Variants in CEP290 observed in about 807,000 individuals in gnomAD.
The protein encoded by CEP290 is centrosomal protein 290.
In CEP290, 317 loss-of-function variants were observed where a neutral mutation model predicts 344.9. The ratio of observed to expected loss-of-function variants is 0.92; its 90% confidence interval spans 0.84 to 1.01. CEP290 has a LOEUF of 1.01. Among genes scored for constraint, CEP290 ranks in the 50% least tolerant of loss-of-function variants. CEP290 has a pLI of 0.00. For missense variants in CEP290, 2,754 were observed against 2,761.4 expected (o/e 1.00, Z 0.06); for synonymous variants, 932 against 895.8 (o/e 1.04, Z -0.72).
Position 88,140,955 on chromosome 12 carries a change from C to A in CEP290, c.180+1G>T. 3.8e-6 allele frequency: 6 copies of A among 1,578,620 alleles called. No homozygotes were observed. Among genetic ancestry groups the A allele is most frequent in the Non-Finnish European group, 4.3e-6 (5 of 1,165,768 alleles). On this transcript the variant is annotated splice_donor_variant, in intron 3 of 53. Coordinates refer to ENST00000552810, the MANE Select transcript of CEP290 (RefSeq NM_025114.4). LOFTEE classifies it high-confidence loss of function. Reference sequence around the variant, plus strand: ...ATAGTTAAAACCTACTACATACAAACCTTCATTAGTGACTGAGTAATTCTG... The same window carrying A: ...ATAGTTAAAACCTACTACATACAAAACTTCATTAGTGACTGAGTAATTCTG...
chr12:88,065,954 TA>T (rs1266045014), intron 44 of CEP290, among the ~76,000 whole-genome samples: 3 of 152,228 alleles, frequency 2.0e-5, no homozygotes, highest in Admixed American at 2.0e-4. Flanking sequence ...TACAGAAGAA[TA>T]ATCCGGTTAA....
chr12:88,116,134 G>A, intron 18 of CEP290: 1 of 858,432 alleles, frequency 1.2e-6, no homozygotes, highest in Non-Finnish European at 1.4e-6. Flanking sequence ...TTGCTTTTTT[G>A]TACAAAACTA....
chr12:88,065,927 C>G (rs889694978), intron 44 of CEP290, among the ~76,000 whole-genome samples: 3 of 152,112 alleles, frequency 2.0e-5, no homozygotes, highest in African/African-American at 7.2e-5. Context: ...ACGAACTTCA[C>G]GAGACTTCCA....
At chr12:88,141,107 G>T in intron 2 of CEP290, 74 bp from the exon 3 acceptor site, 2 of 1,317,828 alleles carry the variant, frequency 1.5e-6, no homozygotes, top group South Asian at 1.6e-5. Context: ...TCCAGATTGT[G>T]ACAATTATAG....
At chr12:88,093,706 T>C in intron 28 of CEP290, 64 bp downstream of exon 28, 2 of 1,257,868 alleles carry the variant, frequency 1.6e-6, no homozygotes, top group Admixed American at 4.0e-5. Flanking sequence ...TTAACAATAA[T>C]ACAATGTCTA....
At position 88,101,480 on chromosome 12, in the gene CEP290, C is replaced by CA. The variant is rs762783922; in HGVS notation, c.2991+1357dup. ...TGGGTGACAGAGCGAGACTCTGCCTCAAAAAAAAAAAAAAAAAAAAAAAAA... is the reference window on the plus strand; with the variant it reads ...TGGGTGACAGAGCGAGACTCTGCCTCAAAAAAAAAAAAAAAAAAAAAAAAAA... On this transcript the variant is annotated intron_variant, in intron 26 of 53. Coordinates refer to ENST00000552810, the MANE Select transcript of CEP290 (RefSeq NM_025114.4). Among the ~76,000 whole-genome samples the CA allele has an allele frequency of 0.042, 1,791 of 42,712 alleles. 26 individuals are homozygous for CA. Among genetic ancestry groups the CA allele is most frequent in the African/African-American group, 0.056 (587 of 10,410 alleles). 28.0% of individuals were successfully genotyped at this position (42,712 alleles called of 152,430 possible).
At chr12:88,088,916 G>A (rs2036796755) in intron 31 of CEP290, 116 bp downstream of exon 31, 2 of 626,252 alleles carry the variant, frequency 3.2e-6, no homozygotes, top group Admixed American at 3.6e-5. Flanking sequence ...GGAGGCTGAG[G>A]CTAGAGAGTC....
At chr12:88,102,726 A>G (rs2037987353) in intron 26 of CEP290, 112 bp downstream of exon 26, 1 of 783,188 alleles carries the variant, frequency 1.3e-6, no homozygotes, top group Non-Finnish European at 2.0e-6. Flanking sequence ...TCTCTGTTAA[A>G]TTTATATAAA....
intron 13 of CEP290, among the ~76,000 whole-genome samples, chr12:88,121,786 G>A (rs943510178): frequency 1.3e-5 from 2 of 152,022 alleles, no homozygotes; most frequent in African/African-American, 4.8e-5. Context: ...GGGGATATTT[G>A]AGCATCTGTC....
chr12:88,108,676 T>C (rs189836114), intron 23 of CEP290, among the ~76,000 whole-genome samples: 8 of 152,336 alleles, frequency 5.3e-5, no homozygotes, highest in Admixed American at 2.0e-4. Context: ...ATTTACAAAC[T>C]GTTCATATGT....
chr12:88,129,924 T>C, intron 9 of CEP290, 48 bp from the exon 10 acceptor site: 1 of 1,208,694 alleles, frequency 8.3e-7, no homozygotes, highest in Non-Finnish European at 1.1e-6. Context: ...TTAAAAAAAC[T>C]GAAATTTAAA....
intron 44 of CEP290, among the ~76,000 whole-genome samples, chr12:88,067,426 C>G (rs2035023571): frequency 6.6e-6 from 1 of 152,128 alleles, no homozygotes; most frequent in Non-Finnish European, 1.5e-5. Context: ...GTAGCCAAAC[C>G]AGGGACGCGT....
In CEP290 at chr12:88,080,427, T is replaced by G. The variant is rs577492083; in HGVS notation, c.5013-32A>C. ...TAAATAAACATATGTGTGTGTGTGT[T>G]TTTTAATTTTTAATTTTTTTGAGAC... On this transcript the variant is annotated intron_variant, in intron 37 of 53. Transcript: ENST00000552810. 224 of 1,489,524 alleles carry G rather than the reference T, an allele frequency of 1.5e-4. 1 individual carries two copies. Among genetic ancestry groups the G allele is most frequent in the Middle Eastern group, 7.2e-4 (4 of 5,528 alleles). 92.3% of individuals were successfully genotyped at this position (1,489,524 alleles called of 1,614,324 possible). A position where few individuals can be genotyped will look rare whatever the true frequency, so the allele number is the denominator to read the frequency against.
Position 88,084,490 on chromosome 12 carries a change from G to C in CEP290, c.4704+96C>G, listed in dbSNP as rs1339949780. The stretch of plus-strand genomic sequence containing the variant: ...AATTCTTAAATAGAATCATTTGAAA[G>C]CAAGAAAAGAAATACCACTTTAGGG... On this transcript the variant is annotated intron_variant, in intron 35 of 53. Coordinates refer to ENST00000552810, the MANE Select transcript of CEP290 (RefSeq NM_025114.4). 4.5e-6 allele frequency: 5 copies of C among 1,100,554 alleles called. No individual in the cohort carries two copies. The South Asian group carries it at 7.0e-5, about 15-fold the overall frequency. 68.2% of individuals were successfully genotyped at this position (1,100,554 alleles called of 1,614,324 possible). A position where few individuals can be genotyped will look rare whatever the true frequency, so the allele number is the denominator to read the frequency against.
In CEP290 at chr12:88,130,357, G is replaced by C. The variant is rs750359797; in HGVS notation, c.580C>G (p.Leu194Val). The change falls in exon 9 of 54, where the codon CTT becomes GTT. Residue 194 changes from leucine to valine, a missense_variant. Coordinates refer to ENST00000552810, the MANE Select transcript of CEP290 (RefSeq NM_025114.4). ...QKQIDSQKET[L>V]LSRRGEDSDY... ...CTGTCTTCCCCTCTTCTTGATAAAA[G>C]TGTTTCTTTCTGTGAATCTATTTGT... is the stretch of plus-strand genomic sequence containing the variant. 6.2e-7 allele frequency: 1 copy of C among 1,610,166 alleles called. No homozygotes were observed.
chr12:88,060,954 GT>G lies in CEP290; in HGVS notation c.6397del (p.Thr2133ProfsTer4). 1.3e-6 allele frequency: 2 copies of G among 1,560,868 alleles called. No individual in the cohort carries two copies. Among genetic ancestry groups the G allele is most frequent in the South Asian group, 1.2e-5 (1 of 83,528 alleles). ...SGKTIPELEK[T>X]IGLMKKVVEK... ...AACTACTTTTTTCATTAAACCAATG[GT>G]TTTTTCCAGTTCTGGGATTGTCTTT... is the stretch of plus-strand genomic sequence containing the variant. On this transcript the variant is annotated frameshift_variant, in exon 47 of 54. Transcript: ENST00000552810. LOFTEE classifies it high-confidence loss of function.
chr12:88,106,892 G>T lies in CEP290; in HGVS notation c.2600C>A (p.Ala867Asp). ...CATTTCATCCGAATCCATCTGAAGA[G>T]CATTGAGCAAATTCTGCACAAAGAC... The part of the protein sequence containing the change: ...KVKEYNNLLN[A>D]LQMDSDEMKK... The change falls in exon 25 of 54, where the codon GCT becomes GAT. Residue 867 changes from alanine (A) to aspartate (D), a missense_variant. Physicochemically the swap from Ala to Asp is moderately radical, Grantham distance 126. Coordinates refer to ENST00000552810, the MANE Select transcript of CEP290 (RefSeq NM_025114.4). 1 of 1,604,340 alleles carries T rather than the reference G, an allele frequency of 6.2e-7. No individual in the cohort carries two copies. The highest frequency in any genetic ancestry group is 8.5e-7 in the Non-Finnish European group (1 of 1,175,080).
In CEP290 at chr12:88,049,403, C is replaced by CTTTA; in HGVS notation, c.7217_7220dup (p.Lys2407AsnfsTer12). The stretch of plus-strand genomic sequence containing the variant: ...AATTTTCCAGTTCTTTTTTCAGCTT[C>CTTTA]TTTATTTCCTCCTAATGGAAACATT... On this transcript the variant is annotated frameshift_variant, in exon 54 of 54. Coordinates refer to ENST00000552810, the MANE Select transcript of CEP290 (RefSeq NM_025114.4). LOFTEE classifies it high-confidence loss of function. 3.5e-6 allele frequency: 5 copies of CTTTA among 1,443,134 alleles called. No individual in the cohort carries two copies. The highest frequency in any genetic ancestry group is 4.8e-6 in the Non-Finnish European group (5 of 1,049,454). The allele number at this position is 1,443,134 out of a possible 1,614,324, so 89.4% of individuals were successfully genotyped here. A position where few individuals can be genotyped will look rare whatever the true frequency, so the allele number is the denominator to read the frequency against.
intron 6 of CEP290, chr12:88,135,568 C>T (rs1013726492): frequency 6.6e-6 from 1 of 152,144 alleles, no homozygotes; most frequent in African/African-American, 2.4e-5. Context: ...TGGCATCGAT[C>T]CATACTTTCT....
Sources: gnomAD v4.1 joint callset for allele counts (sites outside exome capture counted in the v4.1 genomes callset) on GRCh38, gnomAD v4.1.1 for gene constraint, MANE v1.5 for transcripts, NCBI Gene and HGNC (gene_info 2026-07-23, HGNC 2026-07-21) for gene names.